Variants in CTNNA2 observed in about 807,000 individuals in gnomAD.
CTNNA2 encodes the protein catenin alpha 2, also known as catenin alpha-2.
A neutral mutation model predicts 101.0 loss-of-function variants in CTNNA2; 42 were observed. The ratio of observed to expected loss-of-function variants is 0.42; its 90% CI spans 0.32 to 0.54. CTNNA2 has a LOEUF of 0.54. Ranked by LOEUF, CTNNA2 falls within the 20% of genes least tolerant of loss-of-function variation. The probability of loss-of-function intolerance (pLI) is 0.14; values close to 1 mark genes in which losing one functional copy is unlikely to be tolerated. For missense variants in CTNNA2, 871 were observed against 1,223.1 expected (o/e 0.71, Z 4.29); for synonymous variants, 450 against 456.4 (o/e 0.99, Z 0.18).
chr2:79,744,502 A>G lies in CTNNA2; in HGVS notation c.218A>G (p.Glu73Gly). The change falls in exon 3 of 19, where the codon GAA (glutamate) becomes GGA (glycine). Residue 73 changes from glutamate (E) to glycine (G), a missense_variant. Glu to Gly is a moderately conservative substitution (Grantham distance 98). Around this residue, in one of 5 missense-constraint regions of CTNNA2, gnomAD observed 647 missense variants for 831.5 expected, o/e 0.78. Transcript: ENST00000402739. The part of the protein sequence containing the change: ...SVEQATQNFL[E>G]KGEQIAKESQ... ...GAGCAAGCCACTCAGAATTTCCTGG[A>G]AAAGGGTGAACAGATCGCTAAGGAG... 1 of 1,613,960 alleles carries G rather than the reference A, an allele frequency of 6.2e-7. No homozygotes were observed. The highest frequency in any genetic ancestry group is 1.1e-5 in the South Asian group (1 of 91,056).
chr2:80,447,949 A>G (rs1255163905), intron 9 of CTNNA2, among the ~76,000 whole-genome samples: 2 of 152,234 alleles, frequency 1.3e-5, no homozygotes, highest in Non-Finnish European at 2.9e-5. Context: ...TTTTGAAAGA[A>G]GAACTAGACA....
chr2:79,314,607 G>A (rs190748342), intron 3 of CTNNA2, among the ~76,000 whole-genome samples: 1 of 152,186 alleles, frequency 6.6e-6, no homozygotes, highest in Admixed American at 6.5e-5. Context: ...CCTCTCAGGG[G>A]CATGGACCAA....
intron 7 of CTNNA2, among the ~76,000 whole-genome samples, chr2:80,067,939 G>A (rs905954431): frequency 1.3e-5 from 2 of 152,164 alleles, no homozygotes; most frequent in African/African-American, 4.8e-5. Flanking sequence ...AACTGTCACC[G>A]ACATCTTGAC....
intron 7 of CTNNA2, among the ~76,000 whole-genome samples, chr2:80,392,239 C>A (rs962933039): frequency 5.3e-5 from 8 of 152,250 alleles, no homozygotes; most frequent in African/African-American, 1.9e-4. Flanking sequence ...ACTACAGGGA[C>A]CTACATGATT....
At chr2:79,466,414 A>T (rs1359453484) in intron 4 of CTNNA2, among the ~76,000 whole-genome samples, 1 of 152,174 alleles carries the variant, frequency 6.6e-6, no homozygotes, top group African/African-American at 2.4e-5. Flanking sequence ...CCACAGCTCA[A>T]GGAGGCCTGC....
intron 7 of CTNNA2, among the ~76,000 whole-genome samples, chr2:80,208,290 C>G (rs1707656913): frequency 6.6e-6 from 1 of 152,200 alleles, no homozygotes; most frequent in East Asian, 1.9e-4. Context: ...GAAAAATAAC[C>G]TAGTTGCCAA....
chr2:79,286,768 G>A (rs955721873), intron 2 of CTNNA2, among the ~76,000 whole-genome samples: 103 of 150,084 alleles, frequency 6.9e-4, no homozygotes, highest in Non-Finnish European at 9.9e-4. Flanking sequence ...TCTTTGTGGC[G>A]TTCTCTGTAT....
intron 12 of CTNNA2, among the ~76,000 whole-genome samples, chr2:80,566,158 G>A (rs1043548123): frequency 1.3e-5 from 2 of 152,086 alleles, no homozygotes; most frequent in Admixed American, 6.6e-5. Context: ...CAAATTACCC[G>A]CAAATTTAAC....
chr2:80,370,544 G>C (rs1294729834), intron 7 of CTNNA2, among the ~76,000 whole-genome samples: 1 of 152,078 alleles, frequency 6.6e-6, no homozygotes, highest in South Asian at 2.1e-4. Flanking sequence ...GTGTCACCTT[G>C]ACCAAGGATG....
chr2:80,270,275 TA>T (rs1210809658), intron 7 of CTNNA2, among the ~76,000 whole-genome samples: 11 of 152,188 alleles, frequency 7.2e-5, no homozygotes, highest in Middle Eastern at 3.2e-3. Flanking sequence ...CTAAATCCTC[TA>T]TTTTTTTAGG....
intron 7 of CTNNA2, among the ~76,000 whole-genome samples, chr2:79,921,304 C>A (rs1257037039): frequency 6.6e-6 from 1 of 152,080 alleles, no homozygotes; most frequent in Non-Finnish European, 1.5e-5. Flanking sequence ...AACGGGGTTT[C>A]TTTTTGTGAG....
At chr2:79,377,810 A>G (rs1375590858) in intron 4 of CTNNA2, among the ~76,000 whole-genome samples, 2 of 152,144 alleles carry the variant, frequency 1.3e-5, no homozygotes, top group Non-Finnish European at 2.9e-5. Context: ...CAAGTATCAT[A>G]CTGCATCCCT....
intron 7 of CTNNA2, among the ~76,000 whole-genome samples, chr2:80,189,332 G>A (rs986918598): frequency 6.6e-6 from 1 of 152,174 alleles, no homozygotes; most frequent in South Asian, 2.1e-4. Context: ...GCTGAGTGCT[G>A]ATTCTCTTCT....
intron 3 of CTNNA2, among the ~76,000 whole-genome samples, chr2:79,825,131 G>A (rs556418316): frequency 2.0e-5 from 3 of 152,228 alleles, no homozygotes; most frequent in South Asian, 2.1e-4. Flanking sequence ...CAAGGCTGCC[G>A]GAAGCTAGGA....
intron 12 of CTNNA2, among the ~76,000 whole-genome samples, chr2:80,558,651 C>G (rs1031047666): frequency 2.6e-5 from 4 of 151,898 alleles, no homozygotes; most frequent in Admixed American, 6.6e-5. Flanking sequence ...AATTTTAGAG[C>G]CATGTTGAAT....
chr2:80,645,596 G>T lies in CTNNA2; in HGVS notation c.2575-1989G>T, dbSNP rs529800131. 3.3e-5 allele frequency among the ~76,000 whole-genome samples: 5 copies of T among 152,030 alleles called. No homozygotes were observed. The East Asian group carries it at 9.7e-4, about 30-fold the overall frequency. ...TTTGATTCAGTAAGTTTTGGATTGG[G>T]CCTGATAAATGCGATTTCTAACAGA... is the stretch of plus-strand genomic sequence containing the variant. On this transcript the variant is annotated intron_variant, in intron 18 of 18. Transcript: ENST00000402739.
chr2:80,134,281 G>T (rs1262767145), intron 7 of CTNNA2, among the ~76,000 whole-genome samples: 5 of 152,038 alleles, frequency 3.3e-5, no homozygotes, highest in African/African-American at 1.2e-4. Flanking sequence ...AGAATGAAGG[G>T]AGCAAATAAG....
At chr2:80,424,037 C>A (rs1257047203) in intron 9 of CTNNA2, among the ~76,000 whole-genome samples, 1 of 151,984 alleles carries the variant, frequency 6.6e-6, no homozygotes, top group Non-Finnish European at 1.5e-5. Flanking sequence ...CTCACTGCAA[C>A]CTCCACCTCC....
chr2:80,093,575 A>G (rs1573052102), intron 7 of CTNNA2, among the ~76,000 whole-genome samples: 1 of 152,100 alleles, frequency 6.6e-6, no homozygotes, highest in African/African-American at 2.4e-5. Flanking sequence ...CTGAGGAATC[A>G]CCACACTGAC....
Sources: allele counts gnomAD v4.1 joint callset (sites outside exome capture counted in the v4.1 genomes callset), GRCh38; gene constraint gnomAD v4.1.1; regional missense constraint gnomAD v4.1.1; transcripts MANE v1.5; gene names NCBI Gene and HGNC (gene_info 2026-07-23, HGNC 2026-07-21).